CD48: variants seen among roughly 807,000 people sequenced by gnomAD.
The protein encoded by CD48 is CD48 antigen.
Under a neutral mutation model 22.0 loss-of-function variants are expected in CD48, and 20 were observed. The observed-to-expected ratio is 0.91, with a 90% confidence interval of 0.64 to 1.32. The LOEUF (loss-of-function observed/expected upper bound fraction) is 1.32, where lower values mean the gene tolerates loss of function less well. Among genes scored for constraint, CD48 ranks in the 40% most tolerant of loss-of-function variants. CD48 has a pLI of 0.00. For missense variants in CD48, 307 were observed against 286.5 expected (o/e 1.07, Z -0.52); for synonymous variants, 110 against 110.1 (o/e 1.00, Z 0.01).
chr1:160,693,171 A>G (rs1182524074), intron 1 of CD48, among the ~76,000 whole-genome samples: 3 of 152,208 alleles, frequency 2.0e-5, no homozygotes, highest in Admixed American at 2.0e-4. Context: ...GCCTGGGAAA[A>G]AATCCAAGAC....
At chr1:160,700,682 T>C (rs1662601928) in intron 1 of CD48, among the ~76,000 whole-genome samples, 1 of 152,102 alleles carries the variant, frequency 6.6e-6, no homozygotes, top group Non-Finnish European at 1.5e-5. Context: ...CCCCGCAACA[T>C]AGAAATCAAG....
intron 2 of CD48, chr1:160,684,254 A>G (rs1331474137): frequency 6.5e-6 from 1 of 152,838 alleles, no homozygotes; most frequent in East Asian, 1.9e-4. Context: ...GTAAAGGTAC[A>G]TTGAATTAGT....
rs1661801381 is a variant in CD48, at chr1:160,681,472, A to C, written c.386-4T>G. 3 of 1,613,170 alleles carry C rather than the reference A, an allele frequency of 1.9e-6. No homozygotes were observed. The highest frequency in any genetic ancestry group is 2.5e-6 in the Non-Finnish European group (3 of 1,179,430). ...ATGACAGGCTTGGGTACAGGGTCTG[A>C]AAGTGAGGAGGATGTTATAAGATGA... On this transcript the variant is annotated splice_polypyrimidine_tract_variant and splice_region_variant and intron_variant, in intron 2 of 3. Transcript: ENST00000368046.
intron 1 of CD48, among the ~76,000 whole-genome samples, chr1:160,694,640 A>T (rs1016066691): frequency 6.6e-6 from 1 of 152,142 alleles, no homozygotes; most frequent in Non-Finnish European, 1.5e-5. Flanking sequence ...GAGTCAAAAA[A>T]TCATGACCAA....
At chr1:160,687,602 T>TG (rs1486165690) in intron 1 of CD48, among the ~76,000 whole-genome samples, 1 of 152,216 alleles carries the variant, frequency 6.6e-6, no homozygotes, top group Non-Finnish European at 1.5e-5. Context: ...TCCCTCCATT[T>TG]GGGGTCCCTG....
chr1:160,684,558 G>A (rs778428435), intron 2 of CD48: 45 of 592,430 alleles, frequency 7.6e-5, no homozygotes, highest in Non-Finnish European at 1.1e-4. Flanking sequence ...GCCTAATTTC[G>A]GAGATATAAT....
chr1:160,708,964 C>G (rs1193596709), intron 1 of CD48, among the ~76,000 whole-genome samples: 1 of 152,182 alleles, frequency 6.6e-6, no homozygotes, highest in Non-Finnish European at 1.5e-5. Flanking sequence ...GCACTTTGAG[C>G]CTCCCTCTGT....
In CD48 at chr1:160,703,017, G is replaced by A. The variant is rs116263189; in HGVS notation, c.82+8665C>T. Reference sequence around the variant, plus strand: ...AAAAGGAACAGGAGCTTGGCCTGGAGCGTGTAATTTATCCCAAGCTCTCAT... The same window carrying A: ...AAAAGGAACAGGAGCTTGGCCTGGAACGTGTAATTTATCCCAAGCTCTCAT... On this transcript the variant is annotated intron_variant, in intron 1 of 3. Coordinates refer to ENST00000368046, the MANE Select transcript of CD48 (RefSeq NM_001778.4). Among the ~76,000 whole-genome samples the A allele has an allele frequency of 4.6e-3, 705 of 152,250 alleles. 6 individuals carry two copies. The highest frequency in any genetic ancestry group is 0.016 in the African/African-American group (674 of 41,552).
At chr1:160,706,586 C>T (rs1282661746) in intron 1 of CD48, among the ~76,000 whole-genome samples, 1 of 152,090 alleles carries the variant, frequency 6.6e-6, no homozygotes, top group Non-Finnish European at 1.5e-5. Flanking sequence ...GTAGCTGAAG[C>T]AACCTTTTAA....
At chr1:160,702,785 T>TA in intron 1 of CD48, among the ~76,000 whole-genome samples, 1 of 152,288 alleles carries the variant, frequency 6.6e-6, no homozygotes, top group East Asian at 1.9e-4. Context: ...CAAGCTTTAA[T>TA]ATATGCAGGC....
chr1:160,709,486 C>T (rs1662888539), intron 1 of CD48, among the ~76,000 whole-genome samples: 2 of 152,130 alleles, frequency 1.3e-5, no homozygotes, highest in African/African-American at 4.8e-5. Context: ...CAGCATGGAA[C>T]CCAGATAGAA....
Position 160,681,305 on chromosome 1 carries a change from G to A in CD48, c.549C>T (p.Thr183=). The change falls in exon 3 of 4, where the codon ACC becomes ACT. Residue 183 remains threonine (T), a synonymous_variant. Coordinates refer to ENST00000368046, the MANE Select transcript of CD48 (RefSeq NM_001778.4). ...PKELQNSVLE[T]TLMPHNYSRC... ...TGGAGTAATTATGTGGCATAAGGGT[G>A]GTTTCAAGCACACTGTTCTGGAGCT... 6.2e-7 allele frequency: 1 copy of A among 1,614,146 alleles called. No homozygotes were observed. The highest frequency in any genetic ancestry group is 1.1e-5 in the South Asian group (1 of 91,078).
Position 160,685,097 on chromosome 1 carries a change from A to C in CD48, c.175T>G (p.Phe59Val), listed in dbSNP as rs1418365470. Residue 59 changes from phenylalanine to valine, a missense_variant, in exon 2 of 4, where the codon TTT becomes GTT. Phe to Val is a conservative substitution (Grantham distance 50). Coordinates refer to ENST00000368046, the MANE Select transcript of CD48 (RefSeq NM_001778.4). ...ACAATCTTCTGGTCGAAAGTATAAA[A>C]CCAGGTTAGTTGTTTGTAGTTCTCA... ...LPENYKQLTW[F>V]YTFDQKIVEW... 1 of 1,614,102 alleles carries C rather than the reference A, an allele frequency of 6.2e-7. No individual in the cohort carries two copies. The highest frequency in any genetic ancestry group is 8.5e-7 in the Non-Finnish European group (1 of 1,179,982).
chr1:160,687,046 C>T (rs981449029), intron 1 of CD48, among the ~76,000 whole-genome samples: 8 of 152,128 alleles, frequency 5.3e-5, no homozygotes, highest in African/African-American at 1.7e-4. Context: ...TCTGCAGTTT[C>T]GACCATAAGA....
In CD48 at chr1:160,700,634, C is replaced by G. The variant is rs537095767; in HGVS notation, c.82+11048G>C. Among the ~76,000 whole-genome samples, 3 of 152,206 alleles carry G rather than the reference C, an allele frequency of 2.0e-5. No homozygotes were observed. In the East Asian group the frequency reaches 5.8e-4, roughly 29 times the overall value. On this transcript the variant is annotated intron_variant, in intron 1 of 3. Coordinates refer to ENST00000368046, the MANE Select transcript of CD48 (RefSeq NM_001778.4). ...ACAAATTCCAGTTCTATTAAAGCCT[C>G]AGAGGTCAAAATCCTGGCGCTGTGG...
chr1:160,708,536 T>C (rs1346986871), intron 1 of CD48, among the ~76,000 whole-genome samples: 1 of 152,084 alleles, frequency 6.6e-6, no homozygotes, highest in African/African-American at 2.4e-5. Context: ...CTGGATGGAA[T>C]TGGACATATT....
At chr1:160,697,873 C>T (rs1334498611) in intron 1 of CD48, among the ~76,000 whole-genome samples, 3 of 152,022 alleles carry the variant, frequency 2.0e-5, no homozygotes, top group Admixed American at 6.6e-5. Flanking sequence ...CTGTTGATAG[C>T]GACTTAACAG....
At chr1:160,694,237 A>G (rs1662329349) in intron 1 of CD48, among the ~76,000 whole-genome samples, 2 of 152,254 alleles carry the variant, frequency 1.3e-5, no homozygotes, top group African/African-American at 4.8e-5. Context: ...ATAGTGAAAT[A>G]AAAAGAACAG....
intron 2 of CD48, among the ~76,000 whole-genome samples, chr1:160,681,788 G>A (rs1661814872): frequency 6.6e-6 from 1 of 152,194 alleles, no homozygotes; most frequent in South Asian, 2.1e-4. Flanking sequence ...ACTTGCTGGG[G>A]TCAGACTTAG....
Sources: gnomAD v4.1 joint callset for allele counts (sites outside exome capture counted in the v4.1 genomes callset) on GRCh38, gnomAD v4.1.1 for gene constraint, MANE v1.5 for transcripts, NCBI Gene and HGNC (gene_info 2026-07-23, HGNC 2026-07-21) for gene names.